Variants in NFKB1 observed in about 807,000 individuals in gnomAD.
The protein encoded by NFKB1 is nuclear factor kappa B subunit 1.
NFKB1 carries 9 observed loss-of-function variants against 105.1 expected under a neutral mutation model. The observed-to-expected ratio is 0.09, with a 90% CI of 0.05 to 0.15. NFKB1 has a LOEUF of 0.15. NFKB1 is among the 10% of genes least tolerant of loss of function. NFKB1 has a pLI of 1.00. For synonymous variants in NFKB1, 440 were observed against 442.2 expected (o/e 1.00, Z 0.06); for missense variants, 830 against 1,203.7 (o/e 0.69, Z 4.59).
At chr4:102,590,760 C>T (rs1726103346) in intron 11 of NFKB1, among the ~76,000 whole-genome samples, 1 of 152,182 alleles carries the variant, frequency 6.6e-6, no homozygotes, top group East Asian at 1.9e-4. Context: ...AATAACCTTA[C>T]AGTGGCCTCC....
intron 1 of NFKB1, 150 bp downstream of exon 1, chr4:102,501,938 G>A (rs1457257921): frequency 1.3e-5 from 2 of 152,438 alleles, no homozygotes; most frequent in African/African-American, 4.8e-5. Flanking sequence ...GTTGACAGTA[G>A]CTGAGAGGCA....
intron 6 of NFKB1, among the ~76,000 whole-genome samples, chr4:102,572,415 G>A (rs769152684): frequency 7.9e-5 from 12 of 152,062 alleles, no homozygotes; most frequent in East Asian, 1.9e-4. Context: ...AACATGGCAC[G>A]TGTATACATA....
chr4:102,607,550 G>A, intron 18 of NFKB1, 99 bp from the exon 19 acceptor site: 1 of 1,300,228 alleles, frequency 7.7e-7, no homozygotes, highest in Non-Finnish European at 1.1e-6. Context: ...TAGCAATTGG[G>A]CTAGTAATAG....
chr4:102,525,531 G>A lies in NFKB1; in HGVS notation c.13G>A (p.Asp5Asn). The A allele has an allele frequency of 1.2e-6, 2 of 1,613,338 alleles. No individual in the cohort carries two copies. The highest frequency in any genetic ancestry group is 1.7e-6 in the Non-Finnish European group (2 of 1,179,588). MAED[D>N]PYLGRPEQMF... ...ACACAGCTTCAGAATGGCAGAAGAT[G>A]ATCCATATTTGGGAAGGCCTGAACA... Residue 5 changes from aspartate (D) to asparagine (N), a missense_variant, in exon 2 of 24, where the codon GAT (aspartate) becomes AAT (asparagine). Physicochemically the swap from Asp to Asn is conservative, Grantham distance 23. This residue lies in a region of NFKB1 where 46 missense variants were observed against 48.3 expected (regional missense o/e 0.95). Transcript: ENST00000226574.
At chr4:102,572,575 G>C (rs529636056) in intron 6 of NFKB1, among the ~76,000 whole-genome samples, 1 of 152,164 alleles carries the variant, frequency 6.6e-6, no homozygotes, top group Non-Finnish European at 1.5e-5. Flanking sequence ...CCCACCAGCA[G>C]TATATAAGTG....
At chr4:102,530,756 C>T (rs1176332394) in intron 3 of NFKB1, among the ~76,000 whole-genome samples, 1 of 152,130 alleles carries the variant, frequency 6.6e-6, no homozygotes, top group African/African-American at 2.4e-5. Context: ...ATGGTTACTA[C>T]AGTACTTACT....
At position 102,533,014 on chromosome 4, in the gene NFKB1, C is replaced by T. The variant is rs1303612422; in HGVS notation, c.119-831C>T. On this transcript the variant is annotated intron_variant, in intron 3 of 23. Coordinates refer to ENST00000226574, the MANE Select transcript of NFKB1 (RefSeq NM_003998.4). ...GATACCATTAGGGTATGGATTAAGCCTCTAGTTTTCTTTGCGTTTTTACAA... is the reference window on the plus strand; with the variant it reads ...GATACCATTAGGGTATGGATTAAGCTTCTAGTTTTCTTTGCGTTTTTACAA... Among the ~76,000 whole-genome samples the T allele has an allele frequency of 5.9e-5, 9 of 152,262 alleles. No homozygotes were observed. The East Asian group carries it at 1.7e-3, about 29-fold the overall frequency.
At chr4:102,534,712 G>A (rs1481037929) in intron 4 of NFKB1, among the ~76,000 whole-genome samples, 1 of 152,182 alleles carries the variant, frequency 6.6e-6, no homozygotes, top group Admixed American at 6.6e-5. Flanking sequence ...TCACATTTGT[G>A]TGTGACTGAG....
chr4:102,509,430 C>T lies in NFKB1; in HGVS notation c.-8+7642C>T, dbSNP rs4647973. On this transcript the variant is annotated intron_variant, in intron 1 of 23. Transcript: ENST00000226574. ...GCCAAATAGGAGTCAATCCAAGTTG[C>T]TTAGAGAGGTAGTTCAATCCTGTGT... Among the ~76,000 whole-genome samples, 675 of 152,194 alleles carry T rather than the reference C, an allele frequency of 4.4e-3. 2 individuals are homozygous for T. The highest frequency in any genetic ancestry group is 6.9e-3 in the Non-Finnish European group (466 of 68,020).
chr4:102,569,873 T>G (rs557853346), intron 6 of NFKB1, among the ~76,000 whole-genome samples: 1 of 152,312 alleles, frequency 6.6e-6, no homozygotes, highest in South Asian at 2.1e-4. Context: ...TTTAATATTT[T>G]TTAAGTTAGC....
intron 11 of NFKB1, among the ~76,000 whole-genome samples, chr4:102,591,419 CAAAA>C (rs59255093): frequency 5.9e-5 from 6 of 101,736 alleles, no homozygotes; most frequent in Admixed American, 2.0e-4. Context: ...GACCCTGGCT[CAAAA>C]AAAAAAAAAA....
chr4:102,576,456 C>A (rs1724829574), intron 6 of NFKB1, among the ~76,000 whole-genome samples: 1 of 152,188 alleles, frequency 6.6e-6, no homozygotes, highest in African/African-American at 2.4e-5. Flanking sequence ...TGCTCCCACT[C>A]CCGTAATCAA....
At chr4:102,551,105 GATTTCAAAGACTTCTTGGCCTTCCTACCT>G (rs1179268596) in intron 5 of NFKB1, among the ~76,000 whole-genome samples, 1 of 152,160 alleles carries the variant, frequency 6.6e-6, no homozygotes, top group Non-Finnish European at 1.5e-5. Flanking sequence ...TTCATTTGTA[GATTTCAAAGACTTCTTGGCCTTCCTACCT>G]TCCTTACATT....
intron 23 of NFKB1, among the ~76,000 whole-genome samples, chr4:102,615,666 G>A (rs906175020): frequency 6.6e-6 from 1 of 152,144 alleles, no homozygotes. Flanking sequence ...TTAGGATATC[G>A]CATAGTTTGT....
chr4:102,606,744 A>T, intron 17 of NFKB1, 47 bp downstream of exon 17: 2 of 1,552,648 alleles, frequency 1.3e-6, no homozygotes, highest in Non-Finnish European at 8.8e-7. Flanking sequence ...CCACCTTCTA[A>T]ATATCTACTA....
chr4:102,590,252 C>T (rs1726060545), intron 11 of NFKB1, among the ~76,000 whole-genome samples: 1 of 152,190 alleles, frequency 6.6e-6, no homozygotes, highest in Non-Finnish European at 1.5e-5. Flanking sequence ...AAATACCATC[C>T]CCTACACATT....
chr4:102,606,849 C>A, intron 17 of NFKB1, 152 bp downstream of exon 17: 2 of 867,562 alleles, frequency 2.3e-6, no homozygotes, highest in Non-Finnish European at 3.5e-6. Flanking sequence ...TTCTGTTGCT[C>A]ACCAAAGCTA....
At chr4:102,512,039 C>T (rs562550562) in intron 1 of NFKB1, among the ~76,000 whole-genome samples, 3 of 152,326 alleles carry the variant, frequency 2.0e-5, no homozygotes, top group East Asian at 1.9e-4. Flanking sequence ...TTCACACCAG[C>T]GGGAACTCTG....
At position 102,525,525 on chromosome 4, in the gene NFKB1, G is replaced by A. The variant is rs1740854006; in HGVS notation, c.7G>A (p.Glu3Lys). Residue 3 changes from glutamate to lysine, a missense_variant, in exon 2 of 24, where the codon GAA becomes AAA. By Grantham distance (56) the Glu-to-Lys change is moderately conservative (BLOSUM62 1). This residue lies in a region of NFKB1 where 46 missense variants were observed against 48.3 expected (regional missense o/e 0.95). Coordinates refer to ENST00000226574, the MANE Select transcript of NFKB1 (RefSeq NM_003998.4). MAEDDPYLGRPEQ... is the reference protein window; with the variant it reads MAKDDPYLGRPEQ... ...TTTAATACACAGCTTCAGAATGGCA[G>A]AAGATGATCCATATTTGGGAAGGCC... is the stretch of plus-strand genomic sequence containing the variant. 1 of 1,613,428 alleles carries A rather than the reference G, an allele frequency of 6.2e-7. No individual in the cohort carries two copies. Among genetic ancestry groups the A allele is most frequent in the Non-Finnish European group, 8.5e-7 (1 of 1,179,626 alleles).
Sources: gnomAD v4.1 joint callset for allele counts (sites outside exome capture counted in the v4.1 genomes callset) on GRCh38, gnomAD v4.1.1 for gene constraint, gnomAD v4.1.1 regional missense constraint, MANE v1.5 for transcripts, NCBI Gene and HGNC (gene_info 2026-07-23, HGNC 2026-07-21) for gene names.